SCAPER: variants seen among roughly 807,000 people sequenced by gnomAD.
SCAPER encodes the protein S phase cyclin A-associated protein in the endoplasmic reticulum.
In SCAPER, 98 loss-of-function variants were observed where a neutral mutation model predicts 182.2. The ratio of observed to expected loss-of-function variants is 0.54; its 90% CI spans 0.46 to 0.64. SCAPER has a LOEUF of 0.64. Ranked by LOEUF, SCAPER falls within the 30% of genes least tolerant of loss-of-function variation. The probability of loss-of-function intolerance (pLI) is 0.00; values close to 1 mark genes in which losing one functional copy is unlikely to be tolerated. For missense variants in SCAPER, 1,432 were observed against 1,690.0 expected (o/e 0.85, Z 2.68); for synonymous variants, 605 against 564.6 (o/e 1.07, Z -1.01).
chr15:76,543,392 T>G (rs2044961724), intron 23 of SCAPER, among the ~76,000 whole-genome samples: 2 of 152,122 alleles, frequency 1.3e-5, no homozygotes, highest in South Asian at 4.1e-4. Flanking sequence ...AGACTCTCAA[T>G]TAGAATTCTC....
chr15:76,591,339 A>G (rs2049092290), intron 22 of SCAPER, among the ~76,000 whole-genome samples: 1 of 152,234 alleles, frequency 6.6e-6, no homozygotes, highest in Non-Finnish European at 1.5e-5. Context: ...GCAAAATTAC[A>G]TATATACAAT....
chr15:76,899,866 G>A (rs78184956), intron 1 of SCAPER, among the ~76,000 whole-genome samples: 51,805 of 152,060 alleles, frequency 0.34, 9,105 homozygotes, highest in East Asian at 0.55. Flanking sequence ...TATCGAGAAC[G>A]GGCCATGATG....
chr15:76,772,061 G>T, intron 9 of SCAPER, 107 bp from the exon 10 acceptor site: 3 of 600,792 alleles, frequency 5.0e-6, no homozygotes, highest in Non-Finnish European at 8.3e-6. Flanking sequence ...AGAAGAAGAG[G>T]TACTTGACTG....
At chr15:76,817,167 T>C (rs973802115) in intron 5 of SCAPER, among the ~76,000 whole-genome samples, 6 of 152,204 alleles carry the variant, frequency 3.9e-5, no homozygotes, top group South Asian at 2.1e-4. Context: ...TGAACCACCA[T>C]TGTAGGTCAG....
intron 1 of SCAPER, among the ~76,000 whole-genome samples, chr15:76,899,788 G>A (rs530429438): frequency 5.7e-4 from 86 of 151,362 alleles, no homozygotes; most frequent in African/African-American, 1.9e-3. Context: ...CGTCTGGGAA[G>A]TGAGGAGCAC....
In SCAPER at chr15:76,621,760, T is replaced by C. The variant is rs752607981; in HGVS notation, c.2711+4A>G. On this transcript the variant is annotated splice_donor_region_variant and intron_variant, in intron 22 of 31. Transcript: ENST00000563290. ...AAAGGAGAACTAAAATGTGGAATAC[T>C]CACTTTGCTTTATAAGGTGAATCAG... 5.6e-6 allele frequency: 9 copies of C among 1,602,946 alleles called. No homozygotes were observed. The highest frequency in any genetic ancestry group is 7.7e-6 in the Non-Finnish European group (9 of 1,174,140).
At chr15:76,430,323 A>G (rs2046778922) in intron 26 of SCAPER, among the ~76,000 whole-genome samples, 2 of 152,298 alleles carry the variant, frequency 1.3e-5, no homozygotes, top group Non-Finnish European at 1.5e-5. Flanking sequence ...TGAGAAGAGG[A>G]CCACTGTCCT....
At chr15:76,848,089 T>A (rs965921704) in intron 4 of SCAPER, among the ~76,000 whole-genome samples, 1 of 151,906 alleles carries the variant, frequency 6.6e-6, no homozygotes, top group Non-Finnish European at 1.5e-5. Flanking sequence ...CTCACTGCAA[T>A]CTCTGCCTCC....
intron 25 of SCAPER, among the ~76,000 whole-genome samples, chr15:76,456,812 T>A (rs1431476614): frequency 1.3e-5 from 2 of 152,260 alleles, no homozygotes; most frequent in Non-Finnish European, 2.9e-5. Context: ...GACTGTTATA[T>A]CTTCCTGTTG....
chr15:76,902,506 T>C (rs1277545705), intron 1 of SCAPER, among the ~76,000 whole-genome samples: 1 of 152,110 alleles, frequency 6.6e-6, no homozygotes, highest in Non-Finnish European at 1.5e-5. Context: ...TAAAAAAAGG[T>C]TACCATCCAG....
intron 21 of SCAPER, among the ~76,000 whole-genome samples, chr15:76,638,873 T>G (rs1431151733): frequency 1.3e-5 from 2 of 152,172 alleles, no homozygotes; most frequent in African/African-American, 4.8e-5. Context: ...TTACATGAAT[T>G]AATTTATTTA....
At chr15:76,421,979 A>T (rs1427439066) in intron 26 of SCAPER, among the ~76,000 whole-genome samples, 1 of 152,098 alleles carries the variant, frequency 6.6e-6, no homozygotes, top group East Asian at 1.9e-4. Flanking sequence ...CCATTGGTCT[A>T]TATCTCTGTT....
At chr15:76,855,347 C>T (rs186535544) in intron 4 of SCAPER, among the ~76,000 whole-genome samples, 3 of 151,854 alleles carry the variant, frequency 2.0e-5, no homozygotes, top group Non-Finnish European at 4.4e-5. Context: ...GCAATACCAT[C>T]CTCGACATAG....
Position 76,830,910 on chromosome 15 carries a change from G to A in SCAPER, c.393+10824C>T, listed in dbSNP as rs73445371. Among the ~76,000 whole-genome samples, 1,022 of 152,070 alleles carry A rather than the reference G, an allele frequency of 6.7e-3. 13 individuals carry two copies. Among genetic ancestry groups the A allele is most frequent in the African/African-American group, 0.023 (970 of 41,488 alleles). ...GAAGGGGAAGGAAGCTGGGAACCCC[G>A]AACAGGGTTGCCAAGCACCGTGACC... is the stretch of plus-strand genomic sequence containing the variant. On this transcript the variant is annotated intron_variant, in intron 5 of 31. Coordinates refer to ENST00000563290, the MANE Select transcript of SCAPER (RefSeq NM_020843.4).
intron 24 of SCAPER, among the ~76,000 whole-genome samples, chr15:76,478,995 T>C (rs1006208032): frequency 6.6e-6 from 1 of 152,190 alleles, no homozygotes; most frequent in African/African-American, 2.4e-5. Context: ...TGCGTTATCA[T>C]GAGGCATGAA....
chr15:76,553,507 G>C (rs1033644471), intron 23 of SCAPER, among the ~76,000 whole-genome samples: 3 of 152,182 alleles, frequency 2.0e-5, no homozygotes, highest in Non-Finnish European at 2.9e-5. Flanking sequence ...ACAGTTGCTA[G>C]CACACATGAA....
intron 23 of SCAPER, among the ~76,000 whole-genome samples, chr15:76,531,828 A>C (rs1468916638): frequency 6.6e-6 from 1 of 152,112 alleles, no homozygotes; most frequent in Non-Finnish European, 1.5e-5. Flanking sequence ...CAGTAAAGTC[A>C]ATGAGTTGTA....
intron 16 of SCAPER, among the ~76,000 whole-genome samples, chr15:76,729,469 T>G (rs571738832): frequency 6.6e-6 from 1 of 151,994 alleles, no homozygotes; most frequent in Admixed American, 6.6e-5. Context: ...GAAAAAACCA[T>G]AGTTAATAGA....
chr15:76,877,018 T>C (rs1275394146), intron 2 of SCAPER, among the ~76,000 whole-genome samples: 1 of 152,100 alleles, frequency 6.6e-6, no homozygotes, highest in Non-Finnish European at 1.5e-5. Flanking sequence ...GGAGGATTGC[T>C]TGAGTCCAGG....
Sources: gnomAD v4.1 joint callset for allele counts (sites outside exome capture counted in the v4.1 genomes callset) on GRCh38, gnomAD v4.1.1 for gene constraint, MANE v1.5 for transcripts, NCBI Gene and HGNC (gene_info 2026-07-23, HGNC 2026-07-21) for gene names.